The following PARVA variants were observed in gnomAD, a reference collection of about 807,000 sequenced individuals.
PARVA encodes the protein alpha-parvin.
PARVA carries 25 observed loss-of-function variants against 52.6 expected under a neutral mutation model. The ratio of observed to expected loss-of-function variants is 0.48; its 90% confidence interval spans 0.35 to 0.66. The LOEUF is 0.66. PARVA is among the 30% of genes least tolerant of loss of function. PARVA has a pLI of 0.01. For synonymous variants in PARVA, 185 were observed against 179.1 expected (o/e 1.03, Z -0.26); for missense variants, 373 against 450.9 (o/e 0.83, Z 1.56).
chr11:12,430,096 C>A (rs1295526195), intron 1 of PARVA, among the ~76,000 whole-genome samples: 1 of 151,978 alleles, frequency 6.6e-6, no homozygotes, highest in Admixed American at 6.5e-5. Context: ...GAAATCAAAC[C>A]CTGATTTGCA....
chr11:12,500,268 G>A lies in PARVA; in HGVS notation c.541+3670G>A, dbSNP rs143964187. 5.0e-3 allele frequency among the ~76,000 whole-genome samples: 755 copies of A among 152,204 alleles called. 7 individuals are homozygous for A. The highest frequency in any genetic ancestry group is 0.02 in the Middle Eastern group (6 of 294). ...GTGACACTCTTAGCCTTGCAGCTGC[G>A]GTTCCCGGCTTGCACAGTGAGGCCT... is the stretch of plus-strand genomic sequence containing the variant. On this transcript the variant is annotated intron_variant, in intron 5 of 12. Coordinates refer to ENST00000334956, the MANE Select transcript of PARVA (RefSeq NM_018222.5).
At chr11:12,428,301 A>G (rs1940266282) in intron 1 of PARVA, among the ~76,000 whole-genome samples, 1 of 152,194 alleles carries the variant, frequency 6.6e-6, no homozygotes, top group Non-Finnish European at 1.5e-5. Context: ...TTTTCCATAT[A>G]GAGTCTCTCA....
At chr11:12,437,178 G>T (rs1002371847) in intron 1 of PARVA, among the ~76,000 whole-genome samples, 10 of 150,698 alleles carry the variant, frequency 6.6e-5, no homozygotes, top group African/African-American at 2.5e-4. Context: ...GAAATAAAAA[G>T]AAAAGAAACT....
At chr11:12,442,615 C>A (rs1940483223) in intron 1 of PARVA, among the ~76,000 whole-genome samples, 2 of 152,012 alleles carry the variant, frequency 1.3e-5, no homozygotes, top group South Asian at 2.1e-4. Context: ...TGGCTGTCCA[C>A]AGGTACATTG....
intron 1 of PARVA, among the ~76,000 whole-genome samples, chr11:12,399,929 T>C (rs1939802515): frequency 6.6e-6 from 1 of 152,206 alleles, no homozygotes; most frequent in Non-Finnish European, 1.5e-5. Flanking sequence ...TATTTAGTGT[T>C]ACTTCTTTAG....
intron 4 of PARVA, among the ~76,000 whole-genome samples, chr11:12,493,860 T>C (rs1034830020): frequency 5.3e-5 from 8 of 152,228 alleles, no homozygotes; most frequent in Admixed American, 4.6e-4. Flanking sequence ...CAATTTAATT[T>C]TGATACTACT....
At chr11:12,496,061 G>C (rs954710733) in intron 4 of PARVA, among the ~76,000 whole-genome samples, 1 of 152,234 alleles carries the variant, frequency 6.6e-6, no homozygotes, top group Non-Finnish European at 1.5e-5. Context: ...GACCTGACCA[G>C]ACTGTACTAC....
At chr11:12,385,002 CTGAAGCAGGCAGAGA>C (rs1448459636) in intron 1 of PARVA, among the ~76,000 whole-genome samples, 2 of 152,232 alleles carry the variant, frequency 1.3e-5, no homozygotes, top group Non-Finnish European at 2.9e-5. Flanking sequence ...TGTTAAGTGA[CTGAAGCAGGCAGAGA>C]TGAAGCAGGG....
intron 1 of PARVA, among the ~76,000 whole-genome samples, chr11:12,382,903 G>A (rs1939513686): frequency 6.6e-6 from 1 of 152,178 alleles, no homozygotes. Context: ...ACAAGTAATG[G>A]TAGCTATTAA....
At chr11:12,446,816 T>A (rs1940554105) in intron 1 of PARVA, among the ~76,000 whole-genome samples, 1 of 152,234 alleles carries the variant, frequency 6.6e-6, no homozygotes, top group African/African-American at 2.4e-5. Context: ...TCTGGCCCGT[T>A]GTTTCATGAT....
chr11:12,498,153 C>A (rs1008195801), intron 5 of PARVA, among the ~76,000 whole-genome samples: 2 of 152,162 alleles, frequency 1.3e-5, no homozygotes, highest in African/African-American at 4.8e-5. Context: ...CATGCCTCAG[C>A]CTCCCGAGTA....
chr11:12,490,990 A>G (rs1294455436), intron 4 of PARVA, among the ~76,000 whole-genome samples: 2 of 152,192 alleles, frequency 1.3e-5, no homozygotes, highest in African/African-American at 4.8e-5. Flanking sequence ...GGAATGAGAA[A>G]GAATGAAAAC....
At chr11:12,458,462 T>C (rs978257116) in intron 1 of PARVA, among the ~76,000 whole-genome samples, 1 of 152,250 alleles carries the variant, frequency 6.6e-6, no homozygotes, top group Non-Finnish European at 1.5e-5. Context: ...TGCATGGCAT[T>C]GGCCTAGTGT....
chr11:12,483,777 A>G (rs7124879), intron 4 of PARVA, among the ~76,000 whole-genome samples: 147,035 of 152,250 alleles, frequency 0.97, 71,232 homozygotes, highest in East Asian at 1. Context: ...TGCGCTGTTG[A>G]TGTTGCTGCC....
Position 12,531,197 on chromosome 11 carries a change from AGG to A in PARVA, c.*3273_*3274del, listed in dbSNP as rs1941768116. On this transcript the variant is annotated 3_prime_UTR_variant, in exon 13 of 13. Coordinates refer to ENST00000334956, the MANE Select transcript of PARVA (RefSeq NM_018222.5). ...TAGAAGGCTCCAGTTTCACATGTGC[AGG>A]CACAGAGATGACATTTCCCGATCTG... is the stretch of plus-strand genomic sequence containing the variant. 6.6e-6 allele frequency among the ~76,000 whole-genome samples: 1 copy of A among 152,260 alleles called. No homozygotes were observed. Among genetic ancestry groups the A allele is most frequent in the African/African-American group, 2.4e-5 (1 of 41,476 alleles).
In PARVA at chr11:12,447,444, C is replaced by T. The variant is rs182844251; in HGVS notation, c.137-26301C>T. Among the ~76,000 whole-genome samples the T allele has an allele frequency of 9.9e-4, 150 of 152,268 alleles. 2 individuals are homozygous for T. In the East Asian group the frequency reaches 0.027, roughly 27 times the overall value. ...CAGCAGAGAGAGAGAGGGACCAGAG[C>T]GCCTTGCCGAGCCCCGAGCCCGGTA... On this transcript the variant is annotated intron_variant, in intron 1 of 12. Coordinates refer to ENST00000334956, the MANE Select transcript of PARVA (RefSeq NM_018222.5).
chr11:12,378,064 C>G (rs952175436), intron 1 of PARVA, among the ~76,000 whole-genome samples: 2 of 150,558 alleles, frequency 1.3e-5, no homozygotes, highest in Non-Finnish European at 3.0e-5. Context: ...CCCGCCGGGC[C>G]GTGGGCGGGC....
Position 12,529,883 on chromosome 11 carries a change from T to G in PARVA, c.*1958T>G, listed in dbSNP as rs528261472. On this transcript the variant is annotated 3_prime_UTR_variant, in exon 13 of 13. Coordinates refer to ENST00000334956, the MANE Select transcript of PARVA (RefSeq NM_018222.5). ...TTACATAATTAGTGAAATTTTATTT[T>G]TTATTAGGAAACACTAAATAGTGTA... 9.2e-5 allele frequency: 14 copies of G among 152,340 alleles called. No individual in the cohort carries two copies. In the South Asian group the frequency reaches 2.9e-3, roughly 32 times the overall value. 9.4% of individuals were successfully genotyped at this position (152,340 alleles called of 1,614,324 possible). A position where few individuals can be genotyped will look rare whatever the true frequency, so the allele number is the denominator to read the frequency against.
intron 4 of PARVA, chr11:12,479,286 A>G (rs12223442): frequency 0.22 from 33,561 of 151,290 alleles, 4,439 homozygotes; most frequent in Middle Eastern, 0.32. Flanking sequence ...CCTCCCTATT[A>G]TAGCCTTTAC....
Sources: allele counts gnomAD v4.1 joint callset (sites outside exome capture counted in the v4.1 genomes callset), GRCh38; gene constraint gnomAD v4.1.1; transcripts MANE v1.5; gene names NCBI Gene and HGNC (gene_info 2026-07-23, HGNC 2026-07-21).